Variants in TMEM44 observed in about 807,000 individuals in gnomAD.
TMEM44 encodes the protein transmembrane protein 44.
In TMEM44, 43 loss-of-function variants were observed where a neutral mutation model predicts 47.8. The observed-to-expected ratio is 0.90, with a 90% CI of 0.70 to 1.16. TMEM44 has a LOEUF of 1.16. Ranked by LOEUF, TMEM44 falls within the 50% of genes most tolerant of loss-of-function variation. The probability of loss-of-function intolerance (pLI) is 0.00; values close to 1 mark genes in which losing one functional copy is unlikely to be tolerated. For missense variants in TMEM44, 568 were observed against 555.2 expected (o/e 1.02, Z -0.23); for synonymous variants, 277 against 238.8 (o/e 1.16, Z -1.48).
At position 194,610,960 on chromosome 3, in the gene TMEM44, C is replaced by CTTAT; in HGVS notation, c.972_973insATAA (p.Ala325IlefsTer27). ...GTCAGCTCCATGTAGCGACTGATTG[C>CTTAT]TGTCATTGTCCTCAGTGACTTGCAG... On this transcript the variant is annotated frameshift_variant, in exon 8 of 10. Coordinates refer to ENST00000347147, the MANE Select transcript of TMEM44 (RefSeq NM_001011655.3). LOFTEE classifies it high-confidence loss of function. 1 of 1,614,054 alleles carries CTTAT rather than the reference C, an allele frequency of 6.2e-7. No homozygotes were observed. Among genetic ancestry groups the CTTAT allele is most frequent in the Non-Finnish European group, 8.5e-7 (1 of 1,180,002 alleles).
rs1462694085 is a variant in TMEM44, at chr3:194,595,817, G to A, written c.1177-7178C>T. ...ATTTTTTGTATTTTTAGTAGAGATG[G>A]GATTTCACCATGTTGGTCAGGCTGG... On this transcript the variant is annotated intron_variant, in intron 9 of 9. Coordinates refer to ENST00000347147, the MANE Select transcript of TMEM44 (RefSeq NM_001011655.3). 5.9e-5 allele frequency among the ~76,000 whole-genome samples: 9 copies of A among 152,070 alleles called. No homozygotes were observed. The East Asian group carries it at 1.5e-3, about 26-fold the overall frequency.
chr3:194,594,935 A>G (rs558934616), intron 9 of TMEM44, among the ~76,000 whole-genome samples: 223 of 152,320 alleles, frequency 1.5e-3, no homozygotes, highest in African/African-American at 4.9e-3. Flanking sequence ...TAAACCGCTA[A>G]TGATAGTGTG....
chr3:194,595,627 T>TCTC (rs10632617), intron 9 of TMEM44, among the ~76,000 whole-genome samples: 14,353 of 144,988 alleles, frequency 0.099, 810 homozygotes, highest in South Asian at 0.21. Flanking sequence ...TCATTCTCTA[T>TCTC]TTTTTTTTTT....
intron 9 of TMEM44, among the ~76,000 whole-genome samples, chr3:194,603,141 T>C (rs1467952083): frequency 6.6e-6 from 1 of 152,192 alleles, no homozygotes; most frequent in African/African-American, 2.4e-5. Flanking sequence ...CCTCGCTGAA[T>C]GGGGCTGGGA....
chr3:194,632,826 G>C, intron 1 of TMEM44: 1 of 507,366 alleles, frequency 2.0e-6, no homozygotes, highest in Non-Finnish European at 3.4e-6. Context: ...CCCAGGGCTC[G>C]CGGTGTCCTC....
At chr3:194,602,376 T>C (rs1023494513) in intron 9 of TMEM44, among the ~76,000 whole-genome samples, 3 of 152,054 alleles carry the variant, frequency 2.0e-5, no homozygotes. Flanking sequence ...CCGAGGTGGG[T>C]GGATCACCTG....
chr3:194,606,952 C>CAAAAAAAAAAAAA (rs561876150), intron 8 of TMEM44, among the ~76,000 whole-genome samples: 5 of 111,744 alleles, frequency 4.5e-5, no homozygotes, highest in African/African-American at 1.7e-4. Context: ...GACTCTGCCT[C>CAAAAAAAAAAAAA]AAAAAAAAAA....
intron 9 of TMEM44, among the ~76,000 whole-genome samples, chr3:194,594,129 A>ATCTGTCTG (rs1182231663): frequency 1.1e-3 from 138 of 121,704 alleles, no homozygotes; most frequent in African/African-American, 3.5e-3. Context: ...CTATCTATCT[A>ATCTGTCTG]TCTATCTATC....
At chr3:194,588,942 G>A (rs1317489551) in intron 9 of TMEM44, 5 of 379,470 alleles carry the variant, frequency 1.3e-5, no homozygotes, top group African/African-American at 1.0e-4. Context: ...ACTGAGTCAT[G>A]TTCTCCTTAT....
At chr3:194,600,545 G>A (rs991658159) in intron 9 of TMEM44, among the ~76,000 whole-genome samples, 2 of 152,162 alleles carry the variant, frequency 1.3e-5, no homozygotes, top group East Asian at 2.0e-4. Flanking sequence ...TCAGGAGATC[G>A]TGACCATCTT....
chr3:194,632,351 G>C (rs566077293), intron 1 of TMEM44, among the ~76,000 whole-genome samples: 1 of 152,332 alleles, frequency 6.6e-6, no homozygotes, highest in Admixed American at 6.5e-5. Context: ...CCTCTCCCAG[G>C]GGTGCTGGTC....
At chr3:194,630,874 G>A (rs558414333) in intron 1 of TMEM44, among the ~76,000 whole-genome samples, 34 of 149,252 alleles carry the variant, frequency 2.3e-4, no homozygotes, top group South Asian at 1.7e-3. Context: ...CCTGCCTCCC[G>A]AAGGGGCTGG....
intron 3 of TMEM44, 38 bp downstream of exon 3, chr3:194,625,859 G>A (rs758391133): frequency 2.0e-6 from 3 of 1,536,490 alleles, no homozygotes; most frequent in Non-Finnish European, 2.7e-6. Context: ...ATGAATGAAT[G>A]GGTGAATAAA....
At chr3:194,599,554 C>T (rs574789674) in intron 9 of TMEM44, among the ~76,000 whole-genome samples, 100 of 150,534 alleles carry the variant, frequency 6.6e-4, no homozygotes, top group Middle Eastern at 7.0e-3. Context: ...TTTTACACTT[C>T]GCAAATTTTC....
rs552880107 is a variant in TMEM44 at position 194,600,542 on chromosome 3, A to T, written c.1176+3745T>A. On this transcript the variant is annotated intron_variant, in intron 9 of 9. Transcript: ENST00000347147. ...GGTGGGCAGGTCACGAGGTCAGGAG[A>T]TCGTGACCATCTTGGCCAACATGGT... Among the ~76,000 whole-genome samples, 541 of 152,096 alleles carry T rather than the reference A, an allele frequency of 3.6e-3. 3 individuals carry two copies. Among genetic ancestry groups the T allele is most frequent in the Non-Finnish European group, 5.5e-3 (373 of 67,964 alleles).
At chr3:194,594,157 ATC>A (rs1233448557) in intron 9 of TMEM44, among the ~76,000 whole-genome samples, 26 of 96,924 alleles carry the variant, frequency 2.7e-4, no homozygotes, top group East Asian at 1.8e-3. Flanking sequence ...CTATCTATCT[ATC>A]TATCTATATC....
chr3:194,596,479 G>A (rs564017789), intron 9 of TMEM44, among the ~76,000 whole-genome samples: 1 of 152,244 alleles, frequency 6.6e-6, no homozygotes, highest in East Asian at 1.9e-4. Flanking sequence ...TTTCCTGATG[G>A]AAGCTTTTCT....
chr3:194,622,910 T>A, intron 5 of TMEM44: 1 of 267,198 alleles, frequency 3.7e-6, no homozygotes, highest in Non-Finnish European at 7.1e-6. Flanking sequence ...TCAAATCTCC[T>A]TCTCTTATGG....
Position 194,625,934 on chromosome 3 carries a change from G to A in TMEM44, c.321C>T (p.Leu107=), listed in dbSNP as rs747535017. The A allele has an allele frequency of 4.3e-6, 7 of 1,613,890 alleles. No homozygotes were observed. The highest frequency in any genetic ancestry group is 5.9e-6 in the Non-Finnish European group (7 of 1,179,820). ...TGAATTTGGATCCACAGACTGGGAA[G>A]AGAATGAACATAAAGTTCACTAAGT... ...AIDLVNFMFI[L]FPVCGSKFKS... Residue 107 remains leucine (L), a synonymous_variant, in exon 3 of 10, where the codon CTC becomes CTT. Coordinates refer to ENST00000347147, the MANE Select transcript of TMEM44 (RefSeq NM_001011655.3).
Sources: allele counts gnomAD v4.1 joint callset (sites outside exome capture counted in the v4.1 genomes callset), GRCh38; gene constraint gnomAD v4.1.1; transcripts MANE v1.5; gene names NCBI Gene and HGNC (gene_info 2026-07-23, HGNC 2026-07-21).